Variants in ROBO1 observed in about 807,000 individuals in gnomAD.
ROBO1 encodes the protein roundabout guidance receptor 1.
A neutral mutation model predicts 195.9 loss-of-function variants in ROBO1; 149 were observed. The ratio of observed to expected loss-of-function variants is 0.76; its 90% CI spans 0.67 to 0.87. The LOEUF (loss-of-function observed/expected upper bound fraction) is 0.87, where lower values mean the gene tolerates loss of function less well. Among genes scored for constraint, ROBO1 ranks in the 40% least tolerant of loss-of-function variants. The pLI, the probability that ROBO1 is intolerant of heterozygous loss-of-function variation, is 0.00. For synonymous variants in ROBO1, 816 were observed against 733.2 expected (o/e 1.11, Z -1.82); for missense variants, 1,933 against 2,068.3 (o/e 0.93, Z 1.27).
chr3:79,085,835 C>T (rs905073366), intron 3 of ROBO1, among the ~76,000 whole-genome samples: 59 of 152,076 alleles, frequency 3.9e-4, no homozygotes, highest in African/African-American at 1.4e-3. Flanking sequence ...AGCCTCAGGA[C>T]GTAACTTCAT....
chr3:79,331,049 C>G (rs2034420060), intron 2 of ROBO1, among the ~76,000 whole-genome samples: 1 of 152,122 alleles, frequency 6.6e-6, no homozygotes, highest in African/African-American at 2.4e-5. Flanking sequence ...GATAGGATAA[C>G]TAACTCTAGT....
intron 2 of ROBO1, among the ~76,000 whole-genome samples, chr3:79,489,107 TAC>T (rs989297277): frequency 6.7e-6 from 1 of 148,398 alleles, no homozygotes; most frequent in Non-Finnish European, 1.5e-5. Context: ...CATATATAAG[TAC>T]ATATATATAT....
chr3:78,778,302 T>G (rs560155310), intron 4 of ROBO1, among the ~76,000 whole-genome samples: 1 of 152,268 alleles, frequency 6.6e-6, no homozygotes, highest in Admixed American at 6.5e-5. Context: ...TTTCTTTTTT[T>G]GTTGTGTCTG....
intron 4 of ROBO1, among the ~76,000 whole-genome samples, chr3:78,790,659 C>T (rs970757454): frequency 3.9e-5 from 6 of 152,294 alleles, no homozygotes; most frequent in African/African-American, 1.4e-4. Context: ...AGATTGCCAA[C>T]ACTCCCTACT....
intron 1 of ROBO1, among the ~76,000 whole-genome samples, chr3:79,638,516 G>T (rs1411755906): frequency 6.6e-6 from 1 of 152,080 alleles, no homozygotes; most frequent in Non-Finnish European, 1.5e-5. Context: ...CTGACCTCAG[G>T]TGATCCGCCA....
At chr3:79,337,154 G>A (rs1180670546) in intron 2 of ROBO1, among the ~76,000 whole-genome samples, 2 of 152,138 alleles carry the variant, frequency 1.3e-5, no homozygotes, top group Non-Finnish European at 2.9e-5. Context: ...TGAGACTTTG[G>A]ACTATGGACT....
At chr3:79,167,546 T>A (rs2081091356) in intron 2 of ROBO1, among the ~76,000 whole-genome samples, 1 of 152,234 alleles carries the variant, frequency 6.6e-6, no homozygotes, top group South Asian at 2.1e-4. Flanking sequence ...GCAATTGCCT[T>A]CTAAGAGGGC....
chr3:79,412,158 T>C (rs1331891319), intron 2 of ROBO1, among the ~76,000 whole-genome samples: 1 of 152,134 alleles, frequency 6.6e-6, no homozygotes, highest in African/African-American at 2.4e-5. Context: ...GTTTTTCCCA[T>C]AAATTTTTAA....
intron 2 of ROBO1, among the ~76,000 whole-genome samples, chr3:79,168,715 A>T (rs751729057): frequency 1.3e-5 from 2 of 152,142 alleles, no homozygotes; most frequent in Non-Finnish European, 2.9e-5. Context: ...CATTGACTCC[A>T]TGCCCCCTGT....
At chr3:79,749,209 C>T (rs1424559676) in intron 1 of ROBO1, among the ~76,000 whole-genome samples, 2 of 151,960 alleles carry the variant, frequency 1.3e-5, no homozygotes, top group Non-Finnish European at 2.9e-5. Flanking sequence ...ACATTTTGCC[C>T]CTGCCCTAGA....
At chr3:79,575,005 T>C (rs1174652720) in intron 2 of ROBO1, among the ~76,000 whole-genome samples, 3 of 150,204 alleles carry the variant, frequency 2.0e-5, no homozygotes, top group African/African-American at 7.3e-5. Context: ...CAATATCTCA[T>C]TACATGTTTC....
At chr3:79,722,544 C>T (rs2107303144) in intron 1 of ROBO1, among the ~76,000 whole-genome samples, 1 of 152,278 alleles carries the variant, frequency 6.6e-6, no homozygotes, top group South Asian at 2.1e-4. Flanking sequence ...GCTGGTCATT[C>T]CAGTTAATTA....
At chr3:78,715,365 C>A (rs1033636592) in intron 7 of ROBO1, 4 of 152,100 alleles carry the variant, frequency 2.6e-5, no homozygotes, top group African/African-American at 9.7e-5. Context: ...TCCAATTTGT[C>A]ATTTTAGTCT....
chr3:79,125,445 A>C lies in ROBO1; in HGVS notation c.172+11T>G, dbSNP rs1219101757. The C allele has an allele frequency of 5.0e-6, 8 of 1,611,174 alleles. No individual in the cohort carries two copies. In the South Asian group the frequency reaches 8.8e-5, roughly 18 times the overall value. On this transcript the variant is annotated intron_variant, in intron 3 of 30. Transcript: ENST00000464233. ...AGGAGGAAGTTAGTATTTGGGAAAG[A>C]GACACTCTACCTGTATAGCCCAGCG...
chr3:78,787,926 C>CTTTTTTTTTTTT (rs71127358), intron 4 of ROBO1, among the ~76,000 whole-genome samples: 35 of 71,718 alleles, frequency 4.9e-4, no homozygotes, highest in South Asian at 7.4e-4. Context: ...GACCCCTTCT[C>CTTTTTTTTTTTT]TTTTTTTTTT....
chr3:79,669,872 G>T (rs749601646), intron 1 of ROBO1, among the ~76,000 whole-genome samples: 5 of 151,874 alleles, frequency 3.3e-5, no homozygotes, highest in Non-Finnish European at 5.9e-5. Context: ...TAGAATAGGG[G>T]CTTAAGTTAG....
chr3:78,840,002 A>G (rs560080642), intron 4 of ROBO1, among the ~76,000 whole-genome samples: 1 of 152,342 alleles, frequency 6.6e-6, no homozygotes, highest in Admixed American at 6.5e-5. Context: ...AGAAGACATC[A>G]ATGAAATGTC....
intron 8 of ROBO1, among the ~76,000 whole-genome samples, chr3:78,697,328 G>A (rs1289506964): frequency 2.0e-5 from 3 of 152,190 alleles, no homozygotes; most frequent in African/African-American, 4.8e-5. Context: ...TCACATTCAG[G>A]AGACATGTGT....
At chr3:79,643,273 C>T (rs928607523) in intron 1 of ROBO1, among the ~76,000 whole-genome samples, 2 of 152,122 alleles carry the variant, frequency 1.3e-5, no homozygotes, top group Non-Finnish European at 2.9e-5. Flanking sequence ...AGACTGAATG[C>T]TGCACTGTTA....
Sources: allele counts gnomAD v4.1 joint callset (sites outside exome capture counted in the v4.1 genomes callset), GRCh38; gene constraint gnomAD v4.1.1; transcripts MANE v1.5; gene names NCBI Gene and HGNC (gene_info 2026-07-23, HGNC 2026-07-21).